COL17A1: variants seen among roughly 807,000 people sequenced by gnomAD.
COL17A1 encodes the protein collagen alpha-1(XVII) chain.
A neutral mutation model predicts 218.4 loss-of-function variants in COL17A1; 181 were observed. That is an observed-to-expected ratio of 0.83 (90% CI 0.73 to 0.94). The LOEUF (loss-of-function observed/expected upper bound fraction) is 0.94. Ranked by LOEUF, COL17A1 falls within the 40% of genes least tolerant of loss-of-function variation. The probability of loss-of-function intolerance (pLI) is 0.00; values close to 1 mark genes in which losing one functional copy is unlikely to be tolerated. For missense variants in COL17A1, 1,924 were observed against 1,945.9 expected (o/e 0.99, Z 0.21); for synonymous variants, 721 against 731.0 (o/e 0.99, Z 0.22).
In COL17A1 at chr10:104,041,511, C is replaced by A; in HGVS notation, c.2579G>T (p.Gly860Val). 1 of 1,613,548 alleles carries A rather than the reference C, an allele frequency of 6.2e-7. No individual in the cohort carries two copies. The highest frequency in any genetic ancestry group is 8.5e-7 in the Non-Finnish European group (1 of 1,179,452). Residue 860 changes from glycine to valine, a missense_variant, in exon 37 of 56, where the codon GGC (glycine) becomes GTC (valine). Physicochemically the swap from Gly to Val is moderately radical, Grantham distance 109. Coordinates refer to ENST00000648076, the MANE Select transcript of COL17A1 (RefSeq NM_000494.4). ...QEVLNLQGPP[G>V]PPGPRGPPGP... ...TGGTGGCCCGCGTGGGCCGGGTGGG[C>A]CTGGGGGACCTTGTAAATTAAGAAC...
At chr10:104,044,748 C>G (rs1391533859) in intron 33 of COL17A1, among the ~76,000 whole-genome samples, 1 of 152,022 alleles carries the variant, frequency 6.6e-6, no homozygotes, top group Non-Finnish European at 1.5e-5. Context: ...CTGAACTCCC[C>G]CTTGGACTGG....
chr10:104,032,215 G>A lies in COL17A1; in HGVS notation c.*20C>T. On this transcript the variant is annotated 3_prime_UTR_variant, in exon 56 of 56. Coordinates refer to ENST00000648076, the MANE Select transcript of COL17A1 (RefSeq NM_000494.4). ...ATGCATTATGAGACCTGGTCCAGGA[G>A]CTGTCCTGCCATGGCTAGCTCACGG... 1.6e-5 allele frequency: 25 copies of A among 1,608,442 alleles called. No homozygotes were observed. Among genetic ancestry groups the A allele is most frequent in the Non-Finnish European group, 2.1e-5 (25 of 1,174,866 alleles).
intron 43 of COL17A1, 39 bp from the exon 44 acceptor site, chr10:104,039,160 G>A: frequency 1.9e-6 from 3 of 1,608,106 alleles, no homozygotes; most frequent in Non-Finnish European, 2.6e-6. Flanking sequence ...ACCTCCTCCA[G>A]GAAGCCTTCC....
In COL17A1 at chr10:104,032,021, G is replaced by C; in HGVS notation, c.*214C>G. ...TTCTAAAACATTGCAACTACTGTTA[G>C]AGTCCACCCCATGAAGCTGTTTCAG... is the stretch of plus-strand genomic sequence containing the variant. On this transcript the variant is annotated 3_prime_UTR_variant, in exon 56 of 56. Coordinates refer to ENST00000648076, the MANE Select transcript of COL17A1 (RefSeq NM_000494.4). 1 of 609,892 alleles carries C rather than the reference G, an allele frequency of 1.6e-6. No homozygotes were observed. The highest frequency in any genetic ancestry group is 2.9e-6 in the Non-Finnish European group (1 of 341,794). The allele number at this position is 609,892 out of a possible 1,614,324, so 37.8% of individuals were successfully genotyped here. A position where few individuals can be genotyped will look rare whatever the true frequency, so the allele number is the denominator to read the frequency against.
chr10:104,057,229 C>A (rs2086539072), intron 16 of COL17A1, 57 bp from the exon 17 acceptor site: 1 of 1,613,096 alleles, frequency 6.2e-7, no homozygotes, highest in South Asian at 1.1e-5. Context: ...CTTTTCCCTC[C>A]AGATTCTCTG....
At chr10:104,043,735 G>A in intron 34 of COL17A1, 90 bp downstream of exon 34, 1 of 1,561,348 alleles carries the variant, frequency 6.4e-7, no homozygotes, top group South Asian at 1.1e-5. Flanking sequence ...AAAACTCCCA[G>A]CCACATCCTG....
In COL17A1 at chr10:104,078,697, T is replaced by C. The variant is rs545610344; in HGVS notation, c.53-111A>G. On this transcript the variant is annotated intron_variant, in intron 2 of 55. Coordinates refer to ENST00000648076, the MANE Select transcript of COL17A1 (RefSeq NM_000494.4). ...TAAGCATATTAAATTAGGTTCGACATTGATTTTTCTATCCTTGTGCTTTAA... is the reference window on the plus strand; with the variant it reads ...TAAGCATATTAAATTAGGTTCGACACTGATTTTTCTATCCTTGTGCTTTAA... 315 of 1,431,648 alleles carry C rather than the reference T, an allele frequency of 2.2e-4. 5 individuals carry two copies. The South Asian group carries it at 3.6e-3, about 16-fold the overall frequency. 88.7% of individuals were successfully genotyped at this position (1,431,648 alleles called of 1,614,324 possible). A position where few individuals can be genotyped will look rare whatever the true frequency, so the allele number is the denominator to read the frequency against.
At chr10:104,079,501 C>T (rs1453106948) in intron 2 of COL17A1, among the ~76,000 whole-genome samples, 2 of 151,646 alleles carry the variant, frequency 1.3e-5, no homozygotes, top group South Asian at 2.1e-4. Context: ...TCAGCTGTGC[C>T]GCTGACACCT....
rs2086429108 is a variant in COL17A1 at position 104,047,953 on chromosome 10, G to A, written c.2263+116C>T. On this transcript the variant is annotated intron_variant, in intron 30 of 55. Transcript: ENST00000648076. ...GAGAAGGGGAACAGAACTGGACACT[G>A]CACACTTCCACATGCTATATGCTCC... 4.3e-6 allele frequency: 6 copies of A among 1,408,068 alleles called. No homozygotes were observed. In the Admixed American group the frequency reaches 1.0e-4, roughly 24 times the overall value. The allele number at this position is 1,408,068 out of a possible 1,614,324, so 87.2% of individuals were successfully genotyped here. A position where few individuals can be genotyped will look rare whatever the true frequency, so the allele number is the denominator to read the frequency against.
At chr10:104,056,539 A>C (rs1010485332) in intron 17 of COL17A1, among the ~76,000 whole-genome samples, 1 of 151,876 alleles carries the variant, frequency 6.6e-6, no homozygotes, top group Non-Finnish European at 1.5e-5. Context: ...CCGAGATTGC[A>C]CCACTGCACT....
intron 55 of COL17A1, 75 bp from the exon 56 acceptor site, chr10:104,032,365 G>A: frequency 7.8e-7 from 1 of 1,284,828 alleles, no homozygotes; most frequent in Non-Finnish European, 1.1e-6. Context: ...GGCAATTATG[G>A]CAACCGTGAC....
At chr10:104,062,036 G>A (rs1025940685) in intron 12 of COL17A1, among the ~76,000 whole-genome samples, 5 of 152,202 alleles carry the variant, frequency 3.3e-5, no homozygotes, top group African/African-American at 4.8e-5. Context: ...GAACATACAA[G>A]TGATGCCTTA....
Position 104,050,118 on chromosome 10 carries a change from T to C in COL17A1, c.2135A>G (p.Gln712Arg). The change falls in exon 28 of 56, where the codon CAG becomes CGG. Residue 712 changes from glutamine to arginine, a missense_variant. Transcript: ENST00000648076. ...GAGGCCTCGAGGTCCTTTCTCACCC[T>C]GGTCACCTAAAGCAAACAAGGGGGA... ...PMGPPGPKGDQGEKGPRGLTG... is the reference protein window; with the variant it reads ...PMGPPGPKGDRGEKGPRGLTG... 6.2e-7 allele frequency: 1 copy of C among 1,614,106 alleles called. No homozygotes were observed. The highest frequency in any genetic ancestry group is 1.3e-5 in the African/African-American group (1 of 75,032).
chr10:104,057,654 AC>A (rs1223619751), intron 16 of COL17A1, among the ~76,000 whole-genome samples: 3 of 151,390 alleles, frequency 2.0e-5, no homozygotes, highest in Non-Finnish European at 4.4e-5. Flanking sequence ...CTAGAATTAT[AC>A]TCAGCTCTTC....
At chr10:104,053,401 T>C (rs1035828864) in intron 22 of COL17A1, among the ~76,000 whole-genome samples, 4 of 152,126 alleles carry the variant, frequency 2.6e-5, no homozygotes, top group African/African-American at 9.7e-5. Context: ...TACACTGGCC[T>C]CTGAGGCCCC....
At chr10:104,043,052 A>G (rs1037594323) in intron 35 of COL17A1, among the ~76,000 whole-genome samples, 1 of 152,114 alleles carries the variant, frequency 6.6e-6, no homozygotes, top group Non-Finnish European at 1.5e-5. Flanking sequence ...TCACCATCCC[A>G]TGTGGAGATA....
At chr10:104,036,161 A>AGTGGGAGTGTGC (rs1564671477) in intron 48 of COL17A1, among the ~76,000 whole-genome samples, 1 of 348 alleles carries the variant, frequency 2.9e-3, no homozygotes, top group African/African-American at 8.2e-3. Flanking sequence ...TGGGAGTGTG[A>AGTGGGAGTGTGC]GTATGGGTGT....
intron 17 of COL17A1, 105 bp downstream of exon 17, chr10:104,056,870 G>A (rs1027507184): frequency 7.1e-6 from 11 of 1,539,178 alleles, no homozygotes; most frequent in South Asian, 2.4e-5. Context: ...AGGTCCCCTC[G>A]CCCCCTAACA....
At chr10:104,051,579 C>T (rs1351524271) in intron 24 of COL17A1, 63 bp from the exon 25 acceptor site, 36 of 1,600,834 alleles carry the variant, frequency 2.2e-5, no homozygotes, top group East Asian at 2.0e-4. Flanking sequence ...CATCTGGCCC[C>T]GGTGCAGGGC....
Sources: gnomAD v4.1 joint callset for allele counts (sites outside exome capture counted in the v4.1 genomes callset) on GRCh38, gnomAD v4.1.1 for gene constraint, MANE v1.5 for transcripts, NCBI Gene and HGNC (gene_info 2026-07-23, HGNC 2026-07-21) for gene names.